CDC27: variants seen among roughly 807,000 people sequenced by gnomAD.
The protein encoded by CDC27 is cell division cycle 27.
In CDC27, 27 loss-of-function variants were observed where a neutral mutation model predicts 109.7. The ratio of observed to expected loss-of-function variants is 0.25; its 90% CI spans 0.18 to 0.34. CDC27 has a LOEUF of 0.34. Among genes scored for constraint, CDC27 ranks in the 10% least tolerant of loss-of-function variants. The pLI, the probability that CDC27 is intolerant of heterozygous loss-of-function variation, is 1.00. For synonymous variants in CDC27, 266 were observed against 333.9 expected (o/e 0.80, Z 2.22); for missense variants, 579 against 960.2 (o/e 0.60, Z 5.25).
chr17:47,129,354 G>A lies in CDC27; in HGVS notation c.2160+39C>T, dbSNP rs1432624227. On this transcript the variant is annotated intron_variant, in intron 16 of 18. Coordinates refer to ENST00000066544, the MANE Select transcript of CDC27 (RefSeq NM_001256.6). ...AAACAAGGGATAACGTTGTTTTTAA[G>A]CAATACAACACTGAAGACCCTTAAG... 4 of 1,422,498 alleles carry A rather than the reference G, an allele frequency of 2.8e-6. No homozygotes were observed. The African/African-American group carries it at 4.3e-5, about 15-fold the overall frequency. The allele number at this position is 1,422,498 out of a possible 1,614,324, so 88.1% of individuals were successfully genotyped here. A position where few individuals can be genotyped will look rare whatever the true frequency, so the allele number is the denominator to read the frequency against.
At chr17:47,158,053 C>T (rs1006705138) in intron 5 of CDC27, among the ~76,000 whole-genome samples, 153 bp downstream of exon 5, 2 of 151,758 alleles carry the variant, frequency 1.3e-5, no homozygotes, top group East Asian at 1.9e-4. Flanking sequence ...TGAAACATAC[C>T]GAAGATTCTA....
intron 2 of CDC27, among the ~76,000 whole-genome samples, chr17:47,172,286 A>AT (rs1304185842): frequency 1.3e-5 from 2 of 152,230 alleles, no homozygotes; most frequent in Non-Finnish European, 2.9e-5. Context: ...AACCAAGGAA[A>AT]TAATACAATG....
rs925900290 is a variant in CDC27 at position 47,151,850 on chromosome 17, T to C, written c.1026A>G (p.Val342=). 1 of 1,606,764 alleles carries C rather than the reference T, an allele frequency of 6.2e-7. No homozygotes were observed. Among genetic ancestry groups the C allele is most frequent in the African/African-American group, 1.3e-5 (1 of 74,908 alleles). Residue 342 remains valine, a synonymous_variant, in exon 9 of 19, where the codon GTA becomes GTG. Transcript: ENST00000066544. ...VFSQSGNSRE[V]TPILAQTQSS... ...TTTGTGTTTGTGCAAGAATTGGAGT[T>C]ACCTCTCGGCTATTTCCACTCTGTG...
intron 4 of CDC27, among the ~76,000 whole-genome samples, chr17:47,166,484 G>A (rs923992578): frequency 2.6e-5 from 4 of 152,110 alleles, no homozygotes; most frequent in Admixed American, 2.6e-4. Context: ...ATAAGTAATG[G>A]TGTTCTCTCT....
Position 47,154,805 on chromosome 17 carries a change from C to T in CDC27, c.843-19G>A. 7.8e-7 allele frequency: 1 copy of T among 1,284,436 alleles called. No homozygotes were observed. Among genetic ancestry groups the T allele is most frequent in the Non-Finnish European group, 1.1e-6 (1 of 886,104 alleles). 79.6% of individuals were successfully genotyped at this position (1,284,436 alleles called of 1,614,324 possible). On this transcript the variant is annotated intron_variant, in intron 7 of 18. Transcript: ENST00000066544. ...CCCAAAACTGAGAAGAGGTTGAAAT[C>T]AAGGTGTCAAAAAGTCATCAAGGCA...
Position 47,120,782 on chromosome 17 carries a change from A to G in CDC27, c.*153T>C, listed in dbSNP as rs560046288. The stretch of plus-strand genomic sequence containing the variant: ...AATATTGCACTGCCTTTCATTCTGT[A>G]TACAGTCAGGGTCCAATGAAAGTGG... On this transcript the variant is annotated 3_prime_UTR_variant, in exon 19 of 19. Transcript: ENST00000066544. 1.9e-4 allele frequency: 112 copies of G among 595,196 alleles called. No homozygotes were observed. Among genetic ancestry groups the G allele is most frequent in the Non-Finnish European group, 3.0e-4 (100 of 329,578 alleles). 36.9% of individuals were successfully genotyped at this position (595,196 alleles called of 1,614,324 possible).
Position 47,117,875 on chromosome 17 carries a change from A to G in CDC27, c.*3060T>C, listed in dbSNP as rs2061909952. 6.6e-6 allele frequency: 1 copy of G among 152,204 alleles called. No homozygotes were observed. Among genetic ancestry groups the G allele is most frequent in the South Asian group, 2.1e-4 (1 of 4,836 alleles). The allele number at this position is 152,204 out of a possible 1,614,324, so 9.4% of individuals were successfully genotyped here. A position where few individuals can be genotyped will look rare whatever the true frequency, so the allele number is the denominator to read the frequency against. ...TCTGTTTTTCTGTGCCTTCTTATTA[A>G]AATACAGATGGCACAGCTTTCATAT... On this transcript the variant is annotated 3_prime_UTR_variant, in exon 19 of 19. Coordinates refer to ENST00000066544, the MANE Select transcript of CDC27 (RefSeq NM_001256.6).
intron 4 of CDC27, chr17:47,159,535 G>A (rs111547798): frequency 1.2e-3 from 589 of 503,786 alleles, no homozygotes; most frequent in East Asian, 7.8e-3. Context: ...TGCAAGGGAC[G>A]GCGTAGGGCT....
intron 2 of CDC27, among the ~76,000 whole-genome samples, chr17:47,176,756 A>C (rs1386421603): frequency 6.6e-6 from 1 of 152,192 alleles, no homozygotes; most frequent in Non-Finnish European, 1.5e-5. Flanking sequence ...GTTAGATTTG[A>C]ATATATTGAG....
At chr17:47,163,076 C>G (rs1169873778) in intron 4 of CDC27, among the ~76,000 whole-genome samples, 2 of 151,788 alleles carry the variant, frequency 1.3e-5, no homozygotes, top group African/African-American at 4.9e-5. Flanking sequence ...GAGTGATACA[C>G]ACAAAACCCA....
At chr17:47,181,133 C>A (rs1187032683) in intron 2 of CDC27, 1 of 148,362 alleles carries the variant, frequency 6.7e-6, no homozygotes, top group Non-Finnish European at 1.5e-5. Context: ...TCCGTGCCTG[C>A]GGTCCCAGCT....
At chr17:47,130,247 G>A (rs1256182411) in intron 15 of CDC27, among the ~76,000 whole-genome samples, 1 of 152,172 alleles carries the variant, frequency 6.6e-6, no homozygotes, top group African/African-American at 2.4e-5. Flanking sequence ...TGTAGTCCGA[G>A]CTACTTGGGA....
At chr17:47,124,063 C>T in intron 16 of CDC27, 103 bp from the exon 17 acceptor site, 1 of 685,574 alleles carries the variant, frequency 1.5e-6, no homozygotes, top group Non-Finnish European at 2.4e-6. Flanking sequence ...CAAAAGCTAA[C>T]TAAATCTTAA....
chr17:47,118,698 C>T lies in CDC27; in HGVS notation c.*2237G>A, dbSNP rs1440879574. 2.6e-5 allele frequency: 4 copies of T among 152,664 alleles called. No individual in the cohort carries two copies. Among genetic ancestry groups the T allele is most frequent in the South Asian group, 4.1e-4 (2 of 4,830 alleles). The allele number at this position is 152,664 out of a possible 1,614,324, so 9.5% of individuals were successfully genotyped here. ...TGCTTGATCAAAATGTGTTCTTCTT[C>T]GGGTTGTTTGATCCCCATTCCATGC... is the stretch of plus-strand genomic sequence containing the variant. On this transcript the variant is annotated 3_prime_UTR_variant, in exon 19 of 19. Coordinates refer to ENST00000066544, the MANE Select transcript of CDC27 (RefSeq NM_001256.6).
At chr17:47,176,531 G>T (rs1324393527) in intron 2 of CDC27, among the ~76,000 whole-genome samples, 2 of 152,156 alleles carry the variant, frequency 1.3e-5, no homozygotes, top group Non-Finnish European at 2.9e-5. Context: ...GTTTTAAAAG[G>T]CTCCTTAGTG....
rs11570567 is a variant in CDC27, at chr17:47,124,026, C to A, written c.2161-66G>T. 861 of 1,020,178 alleles carry A rather than the reference C, an allele frequency of 8.4e-4. 8 individuals are homozygous for A. The East Asian group carries it at 0.019, about 23-fold the overall frequency. The allele number at this position is 1,020,178 out of a possible 1,614,324, so 63.2% of individuals were successfully genotyped here. ...TTAAAGTTTTGACCAAGCGTTTTTA[C>A]TTATTTGATTTCCCAAATCATCTTC... On this transcript the variant is annotated intron_variant, in intron 16 of 18. Transcript: ENST00000066544.
Position 47,157,221 on chromosome 17 carries a change from G to A in CDC27, c.630+9C>T, listed in dbSNP as rs1879978859. ...TAATATTTTGAACACTAGAATATAA[G>A]ACACTTACAATTGTGTCCTGGGGTG... On this transcript the variant is annotated intron_variant, in intron 6 of 18. Transcript: ENST00000066544. 1 of 1,604,906 alleles carries A rather than the reference G, an allele frequency of 6.2e-7. No homozygotes were observed. The highest frequency in any genetic ancestry group is 8.5e-7 in the Non-Finnish European group (1 of 1,175,108).
At chr17:47,169,513 C>T (rs1169267511) in intron 4 of CDC27, among the ~76,000 whole-genome samples, 3 of 151,756 alleles carry the variant, frequency 2.0e-5, no homozygotes, top group African/African-American at 4.8e-5. Flanking sequence ...GGCGTGGTGT[C>T]GGGCACCTGA....
intron 2 of CDC27, among the ~76,000 whole-genome samples, chr17:47,177,728 T>C (rs2064068375): frequency 6.6e-6 from 1 of 152,200 alleles, no homozygotes; most frequent in African/African-American, 2.4e-5. Flanking sequence ...CTCTTTCTTT[T>C]CCTTTCACTA....
Sources: allele counts gnomAD v4.1 joint callset (sites outside exome capture counted in the v4.1 genomes callset), GRCh38; gene constraint gnomAD v4.1.1; transcripts MANE v1.5; gene names NCBI Gene and HGNC (gene_info 2026-07-23, HGNC 2026-07-21).